TWIST2: variants seen among roughly 807,000 people sequenced by gnomAD.
The protein encoded by TWIST2 is twist family bHLH transcription factor 2.
TWIST2 carries 1 observed loss-of-function variant against 11.6 expected under a neutral mutation model. The observed-to-expected ratio is 0.09, with a 90% CI of 0.03 to 0.41. The LOEUF (loss-of-function observed/expected upper bound fraction) is 0.41. Among genes scored for constraint, TWIST2 ranks in the 10% least tolerant of loss-of-function variants. The probability of loss-of-function intolerance (pLI) is 0.98; values close to 1 mark genes in which losing one functional copy is unlikely to be tolerated. For synonymous variants in TWIST2, 87 were observed against 96.6 expected, an observed-to-expected ratio of 0.90 and a Z score of 0.58; for missense variants, 168 against 226.4, an observed-to-expected ratio of 0.74 and a Z score of 1.66.
chr2:238,902,222 G>C (rs1693275891), intron 1 of TWIST2, among the ~76,000 whole-genome samples: 1 of 149,682 alleles, frequency 6.7e-6, no homozygotes, highest in South Asian at 2.2e-4. Flanking sequence ...GTGATGTGGA[G>C]TATGTGTGTG....
chr2:238,898,304 C>T (rs1259041429), intron 1 of TWIST2, among the ~76,000 whole-genome samples: 4 of 152,182 alleles, frequency 2.6e-5, no homozygotes, highest in South Asian at 2.1e-4. Flanking sequence ...ATGACAAGGC[C>T]GGATATGTTC....
intron 1 of TWIST2, among the ~76,000 whole-genome samples, chr2:238,903,168 G>A (rs1236520026): frequency 0.071 from 10,133 of 143,558 alleles, 453 homozygotes; most frequent in East Asian, 0.15. Flanking sequence ...GTGAGGTGTG[G>A]GATGTAGTTG....
In TWIST2 at chr2:238,910,288, C is replaced by T. The variant is rs1264427822; in HGVS notation, c.*482C>T. 1 of 152,062 alleles carries T rather than the reference C, an allele frequency of 6.6e-6. No individual in the cohort carries two copies. The highest frequency in any genetic ancestry group is 1.9e-4 in the East Asian group (1 of 5,192). 9.4% of individuals were successfully genotyped at this position (152,062 alleles called of 1,614,324 possible). The stretch of plus-strand genomic sequence containing the variant: ...ACCAAGGCTCTCAGAAGAGGACCCC[C>T]GAGTTCCTTCCCCTCCCCCGAGCCT... On this transcript the variant is annotated 3_prime_UTR_variant, in exon 2 of 2. Transcript: ENST00000612363.
intron 1 of TWIST2, among the ~76,000 whole-genome samples, chr2:238,870,109 C>T (rs1179238486): frequency 7.5e-5 from 11 of 146,692 alleles, no homozygotes; most frequent in Admixed American, 6.2e-4. Context: ...TGTACACAGA[C>T]ACACCATACA....
At chr2:238,907,547 A>G (rs1693373890) in intron 1 of TWIST2, among the ~76,000 whole-genome samples, 1 of 152,056 alleles carries the variant, frequency 6.6e-6, no homozygotes, top group South Asian at 2.1e-4. Context: ...CCACAGTTTG[A>G]TTGGCCCACA....
chr2:238,872,065 A>G (rs1692714795), intron 1 of TWIST2, among the ~76,000 whole-genome samples: 1 of 152,198 alleles, frequency 6.6e-6, no homozygotes, highest in Non-Finnish European at 1.5e-5. Flanking sequence ...GTATTTTACC[A>G]GGATTAAATT....
rs1450103627 is a variant in TWIST2 at position 238,909,843 on chromosome 2, C to G, written c.*37C>G. On this transcript the variant is annotated splice_region_variant and 3_prime_UTR_variant, in exon 2 of 2. Transcript: ENST00000612363. The stretch of plus-strand genomic sequence containing the variant: ...CGGTCCCCCTTCCGTATCTTCCAGG[C>G]TGTCCGTCGCGTCGGCGGCGCAAGT... 6.6e-6 allele frequency: 1 copy of G among 152,258 alleles called. No homozygotes were observed. Among genetic ancestry groups the G allele is most frequent in the Non-Finnish European group, 1.5e-5 (1 of 68,070 alleles). The allele number at this position is 152,258 out of a possible 1,614,324, so 9.4% of individuals were successfully genotyped here.
In TWIST2 at chr2:238,866,823, TC is replaced by T. The variant is rs1414696231; in HGVS notation, c.*35+18094del. ...GTGGTGACTCCTGAGGCCTCGTATA[TC>T]CCCTAGCGGCCTGGCAGCTGCGACG... On this transcript the variant is annotated intron_variant, in intron 1 of 1. Transcript: ENST00000612363. The surrounding 1 kb of genome is among the most constrained non-coding windows in gnomAD (Gnocchi z 4.9). Among the ~76,000 whole-genome samples the T allele has an allele frequency of 4.6e-5, 7 of 152,034 alleles. No homozygotes were observed. The highest frequency in any genetic ancestry group is 1.0e-4 in the Non-Finnish European group (7 of 68,000).
chr2:238,883,622 A>G (rs1692978384), intron 1 of TWIST2, among the ~76,000 whole-genome samples: 2 of 152,160 alleles, frequency 1.3e-5, no homozygotes, highest in Non-Finnish European at 2.9e-5. Flanking sequence ...CAGGGAAAAC[A>G]TTTAGCATTT....
chr2:238,857,370 G>T (rs1692350905), intron 1 of TWIST2, among the ~76,000 whole-genome samples: 1 of 152,188 alleles, frequency 6.6e-6, no homozygotes, highest in Non-Finnish European at 1.5e-5. Context: ...CTCAGCATTT[G>T]CCAAGGTTAA....
At chr2:238,900,301 G>A (rs1361100515) in intron 1 of TWIST2, among the ~76,000 whole-genome samples, 2 of 152,180 alleles carry the variant, frequency 1.3e-5, no homozygotes, top group African/African-American at 4.8e-5. Context: ...TGTGTGACTG[G>A]GCAGACAGAA....
At chr2:238,859,284 G>A (rs571926991) in intron 1 of TWIST2, among the ~76,000 whole-genome samples, 1 of 151,320 alleles carries the variant, frequency 6.6e-6, no homozygotes, top group African/African-American at 2.4e-5. Flanking sequence ...CTAAGCTCAA[G>A]AAGCCAGATG....
At chr2:238,879,783 G>T (rs1250486543) in intron 1 of TWIST2, among the ~76,000 whole-genome samples, 1 of 152,232 alleles carries the variant, frequency 6.6e-6, no homozygotes, top group African/African-American at 2.4e-5. Flanking sequence ...CCTGCAGAAG[G>T]GCATGATTGG....
At chr2:238,906,860 G>A (rs1455618811) in intron 1 of TWIST2, among the ~76,000 whole-genome samples, 1 of 152,242 alleles carries the variant, frequency 6.6e-6, no homozygotes, top group South Asian at 2.1e-4. Flanking sequence ...GCCGCTCTGC[G>A]GGAGGAGGGT....
In TWIST2 at chr2:238,885,251, G is replaced by A. The variant is rs553897567; in HGVS notation, c.*36-24591G>A. Among the ~76,000 whole-genome samples the A allele has an allele frequency of 6.1e-4, 82 of 134,710 alleles. No homozygotes were observed. The East Asian group carries it at 0.013, about 21-fold the overall frequency. 88.4% of individuals were successfully genotyped at this position (134,710 alleles called of 152,430 possible). ...GCAGGCTGGAGGGCCTGGCTCCCCT[G>A]GATGGTGGTCAGTCTTCCCTCTCTC... On this transcript the variant is annotated intron_variant, in intron 1 of 1. Coordinates refer to ENST00000612363, the MANE Select transcript of TWIST2 (RefSeq NM_001271893.4).
chr2:238,860,920 A>G (rs1261537010), intron 1 of TWIST2, among the ~76,000 whole-genome samples: 1 of 152,216 alleles, frequency 6.6e-6, no homozygotes, highest in Non-Finnish European at 1.5e-5. Context: ...CCTGGGTGAC[A>G]GAGCAAGACT....
chr2:238,887,338 A>G (rs1043667274), intron 1 of TWIST2: 4 of 152,246 alleles, frequency 2.6e-5, no homozygotes, highest in African/African-American at 9.6e-5. Context: ...GGGCTCATTC[A>G]GTATCTCGCT....
At chr2:238,874,374 T>C (rs1314579552) in intron 1 of TWIST2, among the ~76,000 whole-genome samples, 1 of 152,214 alleles carries the variant, frequency 6.6e-6, no homozygotes, top group East Asian at 1.9e-4. Context: ...TTTAGTTCCA[T>C]GTTATCGTGT....
intron 1 of TWIST2, among the ~76,000 whole-genome samples, chr2:238,869,112 G>C (rs1270881191): frequency 2.6e-5 from 4 of 152,210 alleles, no homozygotes; most frequent in East Asian, 1.9e-4. Flanking sequence ...TGAGAGAAAG[G>C]CATCGACTCC....
Sources: allele counts gnomAD v4.1 joint callset (sites outside exome capture counted in the v4.1 genomes callset), GRCh38; gene constraint gnomAD v4.1.1; non-coding constraint Gnocchi (gnomAD v3.1); transcripts MANE v1.5; gene names NCBI Gene and HGNC (gene_info 2026-07-23, HGNC 2026-07-21).